The following ELOVL6 variants were observed in gnomAD, a reference collection of about 807,000 sequenced individuals.
The protein encoded by ELOVL6 is ELOVL fatty acid elongase 6.
ELOVL6 carries 8 observed loss-of-function variants against 31.7 expected under a neutral mutation model. The ratio of observed to expected loss-of-function variants is 0.25; its 90% CI spans 0.15 to 0.45. The LOEUF is 0.45. Among genes scored for constraint, ELOVL6 ranks in the 20% least tolerant of loss-of-function variants. The probability of loss-of-function intolerance (pLI) is 1.00; values close to 1 mark genes in which losing one functional copy is unlikely to be tolerated. For missense variants in ELOVL6, 126 were observed against 326.4 expected (o/e 0.39, Z 4.73); for synonymous variants, 101 against 117.7 (o/e 0.86, Z 0.92).
At chr4:110,140,621 A>G (rs1757927071) in intron 1 of ELOVL6, among the ~76,000 whole-genome samples, 1 of 152,002 alleles carries the variant, frequency 6.6e-6, no homozygotes, top group Non-Finnish European at 1.5e-5. Flanking sequence ...TAACCAAGAG[A>G]TAATACTTTT....
At chr4:110,082,796 T>G (rs1755907668) in intron 2 of ELOVL6, among the ~76,000 whole-genome samples, 1 of 152,220 alleles carries the variant, frequency 6.6e-6, no homozygotes, top group East Asian at 1.9e-4. Flanking sequence ...GGTGCTTTTC[T>G]CACAGCGCAT....
chr4:110,135,659 T>C (rs1476758324), intron 1 of ELOVL6, among the ~76,000 whole-genome samples: 1 of 152,180 alleles, frequency 6.6e-6, no homozygotes, highest in African/African-American at 2.4e-5. Context: ...AAGCAAGCAC[T>C]GTCTCTCTTT....
intron 3 of ELOVL6, among the ~76,000 whole-genome samples, chr4:110,052,282 T>A (rs1754855572): frequency 6.6e-6 from 1 of 152,212 alleles, no homozygotes; most frequent in Non-Finnish European, 1.5e-5. Context: ...AAAACCATAA[T>A]TTTTCTTTGG....
At chr4:110,096,353 C>T (rs1413771138) in intron 2 of ELOVL6, among the ~76,000 whole-genome samples, 4 of 152,042 alleles carry the variant, frequency 2.6e-5, no homozygotes, top group Admixed American at 6.6e-5. Flanking sequence ...TATTATAGCT[C>T]GTGGTTTCTC....
chr4:110,157,297 C>T (rs4146697), intron 1 of ELOVL6, among the ~76,000 whole-genome samples: 96,512 of 152,052 alleles, frequency 0.63, 31,421 homozygotes, highest in East Asian at 0.8. Context: ...ATAGTTATTC[C>T]ACTTTGAGCT....
rs1755481497 is a variant in ELOVL6, at chr4:110,071,548, CCTT to C, written c.222-11797_222-11795del. The stretch of plus-strand genomic sequence containing the variant: ...ATGCCACTACAGTGAGGGCAAATCA[CCTT>C]CTTTTCAGGCAGGGGGACAAAGCTT... On this transcript the variant is annotated intron_variant, in intron 2 of 3. Coordinates refer to ENST00000302274, the MANE Select transcript of ELOVL6 (RefSeq NM_024090.3). Among the ~76,000 whole-genome samples the C allele has an allele frequency of 2.6e-5, 4 of 152,268 alleles. No homozygotes were observed. In the South Asian group the frequency reaches 8.3e-4, roughly 32 times the overall value.
chr4:110,074,730 A>G (rs1048362826), intron 2 of ELOVL6, among the ~76,000 whole-genome samples: 1 of 152,170 alleles, frequency 6.6e-6, no homozygotes, highest in Non-Finnish European at 1.5e-5. Flanking sequence ...ATTACATAAT[A>G]AACATTTTTT....
intron 1 of ELOVL6, among the ~76,000 whole-genome samples, chr4:110,183,564 A>G (rs143595560): frequency 6.6e-6 from 1 of 152,316 alleles, no homozygotes; most frequent in Admixed American, 6.5e-5. Flanking sequence ...TGCTCTTTTC[A>G]TCAACAAAGA....
intron 1 of ELOVL6, among the ~76,000 whole-genome samples, chr4:110,113,986 T>C (rs1338255786): frequency 6.6e-6 from 1 of 152,140 alleles, no homozygotes; most frequent in South Asian, 2.1e-4. Context: ...CATGATGGCA[T>C]GCACCTGTAG....
chr4:110,060,033 G>A (rs1320179591), intron 2 of ELOVL6: 5 of 272,624 alleles, frequency 1.8e-5, no homozygotes, highest in Non-Finnish European at 3.4e-5. Context: ...AGGATCTCAT[G>A]AAGAATGCTG....
intron 2 of ELOVL6, among the ~76,000 whole-genome samples, chr4:110,070,914 T>C (rs913690320): frequency 6.6e-6 from 1 of 152,200 alleles, no homozygotes; most frequent in African/African-American, 2.4e-5. Flanking sequence ...CAGGTAGCTC[T>C]TTGTAGCAAT....
chr4:110,125,322 G>T (rs1285300991), intron 1 of ELOVL6, among the ~76,000 whole-genome samples: 6 of 151,966 alleles, frequency 3.9e-5, no homozygotes, highest in Non-Finnish European at 8.8e-5. Flanking sequence ...AGATATTGTT[G>T]TTTCTTTAAA....
rs767906811 is a variant in ELOVL6, at chr4:110,175,200, C to T, written c.89+23047G>A. On this transcript the variant is annotated intron_variant, in intron 1 of 3. Coordinates refer to ENST00000302274, the MANE Select transcript of ELOVL6 (RefSeq NM_024090.3). ...GGAGTTTGAGACCAGCCAGCCAACA[C>T]GGCGAAACACTGTCTCTACAAAAAA... Among the ~76,000 whole-genome samples the T allele has an allele frequency of 2.0e-5, 3 of 152,002 alleles. No individual in the cohort carries two copies. The East Asian group carries it at 5.8e-4, about 29-fold the overall frequency.
At position 110,098,494 on chromosome 4, in the gene ELOVL6, T is replaced by C. The variant is rs561091980; in HGVS notation, c.221+7003A>G. On this transcript the variant is annotated intron_variant, in intron 2 of 3. Transcript: ENST00000302274. ...CATTTTGTAATAACATGTTGTAACATGTTACTACATGTAATGAAATGTTAC... is the reference window on the plus strand; with the variant it reads ...CATTTTGTAATAACATGTTGTAACACGTTACTACATGTAATGAAATGTTAC... Among the ~76,000 whole-genome samples, 9 of 152,284 alleles carry C rather than the reference T, an allele frequency of 5.9e-5. No homozygotes were observed. In the South Asian group the frequency reaches 1.9e-3, roughly 32 times the overall value.
chr4:110,053,318 C>G (rs17041292), intron 3 of ELOVL6, among the ~76,000 whole-genome samples: 20,244 of 152,144 alleles, frequency 0.13, 1,621 homozygotes, highest in East Asian at 0.23. Flanking sequence ...CCCTCATGTA[C>G]TTCACAGATG....
intron 2 of ELOVL6, among the ~76,000 whole-genome samples, chr4:110,079,415 T>G (rs1229339499): frequency 6.6e-6 from 1 of 152,044 alleles, no homozygotes; most frequent in African/African-American, 2.4e-5. Flanking sequence ...GCAATCAAAC[T>G]AGAACTCAGG....
chr4:110,068,425 G>A (rs537971507), intron 2 of ELOVL6, among the ~76,000 whole-genome samples: 5 of 152,268 alleles, frequency 3.3e-5, no homozygotes, highest in Non-Finnish European at 2.9e-5. Context: ...ATGATCCCCC[G>A]ATAAACATGA....
chr4:110,115,629 G>A (rs1056591959), intron 1 of ELOVL6, among the ~76,000 whole-genome samples: 1 of 152,078 alleles, frequency 6.6e-6, no homozygotes, highest in Non-Finnish European at 1.5e-5. Flanking sequence ...TTTTGACTGG[G>A]GCTTTCATAC....
At chr4:110,084,115 T>TATACATGTC (rs1560814062) in intron 2 of ELOVL6, among the ~76,000 whole-genome samples, 1 of 98,184 alleles carries the variant, frequency 1.0e-5, no homozygotes, top group Admixed American at 1.2e-4. Flanking sequence ...ATATATGATA[T>TATACATGTC]ATATAACATA....
Sources: allele counts gnomAD v4.1 joint callset (sites outside exome capture counted in the v4.1 genomes callset), GRCh38; gene constraint gnomAD v4.1.1; transcripts MANE v1.5; gene names NCBI Gene and HGNC (gene_info 2026-07-23, HGNC 2026-07-21).